The following TENM2 variants were observed in gnomAD, a reference collection of about 807,000 sequenced individuals.
The protein encoded by TENM2 is teneurin transmembrane protein 2.
Under a neutral mutation model 245.2 loss-of-function variants are expected in TENM2, and 52 were observed. That is an observed-to-expected ratio of 0.21 (90% confidence interval 0.17 to 0.27). The LOEUF (loss-of-function observed/expected upper bound fraction) is 0.27. TENM2 is among the 10% of genes least tolerant of loss of function. TENM2 has a pLI of 1.00. For missense variants in TENM2, 3,046 were observed against 3,666.8 expected (o/e 0.83, Z 4.37); for synonymous variants, 1,363 against 1,438.9 (o/e 0.95, Z 1.19).
chr5:168,127,007 G>A, intron 12 of TENM2, 41 bp downstream of exon 14: 1 of 1,517,046 alleles, frequency 6.6e-7, no homozygotes, highest in Admixed American at 2.0e-5. Context: ...GATCTATAGT[G>A]ATGGTCGCGC....
intron 2 of TENM2, among the ~76,000 whole-genome samples, chr5:167,726,305 TAACTC>T (rs1760001622): frequency 7.9e-6 from 1 of 127,126 alleles, no homozygotes; most frequent in Non-Finnish European, 1.6e-5. Context: ...TGACTGCCCT[TAACTC>T]AAGCCCTTAA....
intron 3 of TENM2, among the ~76,000 whole-genome samples, chr5:167,946,412 A>G (rs1779626634): frequency 1.3e-5 from 2 of 152,110 alleles, no homozygotes; most frequent in Non-Finnish European, 2.9e-5. Context: ...GGCCTTTGGG[A>G]AGGCATAGAA....
At chr5:167,754,912 G>A in intron 2 of TENM2, 1 of 1,102,708 alleles carries the variant, frequency 9.1e-7, no homozygotes, top group Non-Finnish European at 1.3e-6. Context: ...AAAGGGAGGA[G>A]GGAGAGAGCA....
At chr5:167,093,639 C>T in the TENM2 span, among the ~76,000 whole-genome samples, 2 of 152,312 alleles carry the variant, frequency 1.3e-5, no homozygotes, top group South Asian at 2.1e-4. Context: ...CATGTATAAA[C>T]AGTCACAGTC....
the TENM2 span, among the ~76,000 whole-genome samples, chr5:167,223,456 C>A: frequency 1.3e-5 from 2 of 152,004 alleles, no homozygotes; most frequent in Admixed American, 6.6e-5. Context: ...TCTTTCTGTG[C>A]CTGACTTGCT....
At chr5:167,530,674 A>G (rs1292356084) in intron 2 of TENM2, among the ~76,000 whole-genome samples, 1 of 152,208 alleles carries the variant, frequency 6.6e-6, no homozygotes, top group Non-Finnish European at 1.5e-5. Context: ...CAAGAGTCCC[A>G]GTCAGGTGGA....
chr5:167,697,982 A>G (rs765804408), intron 2 of TENM2, among the ~76,000 whole-genome samples: 1 of 152,204 alleles, frequency 6.6e-6, no homozygotes, highest in African/African-American at 2.4e-5. Context: ...CCTCTAAGTG[A>G]TTAAATTTCT....
At chr5:167,592,767 G>A (rs1289844879) in intron 2 of TENM2, among the ~76,000 whole-genome samples, 1 of 152,122 alleles carries the variant, frequency 6.6e-6, no homozygotes, top group East Asian at 1.9e-4. Flanking sequence ...TATTTTTACA[G>A]ATAAGCTCTT....
the TENM2 span, among the ~76,000 whole-genome samples, chr5:167,236,025 C>T: frequency 0.031 from 4,659 of 152,232 alleles, 128 homozygotes; most frequent in Non-Finnish European, 0.047. Flanking sequence ...TTCCTCCCAC[C>T]TCACAAATTC....
At chr5:167,394,733 CT>C (rs1472910602) in intron 2 of TENM2, among the ~76,000 whole-genome samples, 1 of 151,966 alleles carries the variant, frequency 6.6e-6, no homozygotes, top group Non-Finnish European at 1.5e-5. Context: ...ATAGCTGGAA[CT>C]TCAGACTCAC....
At chr5:167,658,240 A>C in intron 2 of TENM2, among the ~76,000 whole-genome samples, 2 of 143,708 alleles carry the variant, frequency 1.4e-5, no homozygotes, top group African/African-American at 2.6e-5. Context: ...ACCGAGTTTC[A>C]CTCTTGTCGC....
At chr5:167,102,733 A>G in the TENM2 span, among the ~76,000 whole-genome samples, 2 of 152,252 alleles carry the variant, frequency 1.3e-5, no homozygotes, top group Non-Finnish European at 2.9e-5. Flanking sequence ...GTCTCAGCTC[A>G]GTGCAACCTC....
At chr5:167,821,519 T>C (rs1311547930) in intron 2 of TENM2, among the ~76,000 whole-genome samples, 1 of 152,192 alleles carries the variant, frequency 6.6e-6, no homozygotes, top group Non-Finnish European at 1.5e-5. Context: ...AATTATGGGA[T>C]GTCCTTTAGA....
the TENM2 span, among the ~76,000 whole-genome samples, chr5:167,146,484 C>T: frequency 7.2e-4 from 109 of 152,256 alleles, 1 homozygote; most frequent in African/African-American, 2.5e-3. Flanking sequence ...CATTCTGAGC[C>T]TGCTATCGAC....
chr5:167,759,895 G>A (rs1400005172), intron 2 of TENM2, among the ~76,000 whole-genome samples: 2 of 50,760 alleles, frequency 3.9e-5, no homozygotes, highest in Non-Finnish European at 1.0e-4. Context: ...GTGAAATAAG[G>A]TGTGATTTTT....
At chr5:167,194,023 C>T in the TENM2 span, among the ~76,000 whole-genome samples, 1 of 151,924 alleles carries the variant, frequency 6.6e-6, no homozygotes, top group Non-Finnish European at 1.5e-5. Context: ...TTCATTCAAG[C>T]TCAGGTTCTT....
the TENM2 span, among the ~76,000 whole-genome samples, chr5:167,074,364 T>A: frequency 6.6e-6 from 1 of 152,152 alleles, no homozygotes; most frequent in African/African-American, 2.4e-5. Context: ...GACTATGTCT[T>A]AGGTGGCCGA....
the TENM2 span, among the ~76,000 whole-genome samples, chr5:167,181,605 C>T: frequency 2.0e-5 from 3 of 151,498 alleles, no homozygotes; most frequent in South Asian, 2.1e-4. Flanking sequence ...TGGCTCAACA[C>T]GAGTAAAGAA....
At chr5:168,157,192 G>T (rs1305218694) in intron 12 of TENM2, among the ~76,000 whole-genome samples, 1 of 152,182 alleles carries the variant, frequency 6.6e-6, no homozygotes, top group Non-Finnish European at 1.5e-5. Flanking sequence ...TCTGAGTGGG[G>T]ATTTGAAGGA....
Sources: gnomAD v4.1 joint callset for allele counts (sites outside exome capture counted in the v4.1 genomes callset) on GRCh38, gnomAD v4.1.1 for gene constraint, MANE v1.5 for transcripts, NCBI Gene and HGNC (gene_info 2026-07-23, HGNC 2026-07-21) for gene names.